Variants in ASS1 observed in about 807,000 individuals in gnomAD.
ASS1 encodes argininosuccinate synthase 1.
A neutral mutation model predicts 60.5 loss-of-function variants in ASS1; 58 were observed. The ratio of observed to expected loss-of-function variants is 0.96; its 90% CI spans 0.78 to 1.19. ASS1 has a LOEUF of 1.19. Ranked by LOEUF, ASS1 falls within the 50% of genes most tolerant of loss-of-function variation. The pLI is 0.00. For synonymous variants in ASS1, 200 were observed against 206.9 expected (o/e 0.97, Z 0.29); for missense variants, 454 against 547.3 (o/e 0.83, Z 1.70).
intron 3 of ASS1, among the ~76,000 whole-genome samples, chr9:130,455,357 TC>T (rs1845425609): frequency 6.6e-6 from 1 of 151,212 alleles, no homozygotes. Flanking sequence ...CCACTGTCTA[TC>T]CATCCATTCA....
In ASS1 at chr9:130,476,733, G is replaced by A; in HGVS notation, c.598-138G>A. On this transcript the variant is annotated intron_variant, in intron 8 of 14. Transcript: ENST00000352480. This position sits in a 1 kb window ranked among gnomAD's most constrained non-coding sequence, Gnocchi z 4.9. ...GGCTGGTGCTAGGCTGAGGGCTGGG[G>A]ACCGGGGGATCTGCCGGACCCCACC... The A allele has an allele frequency of 1.2e-6, 1 of 834,828 alleles. No individual in the cohort carries two copies. The highest frequency in any genetic ancestry group is 1.8e-5 in the Admixed American group (1 of 56,590). 51.7% of individuals were successfully genotyped at this position (834,828 alleles called of 1,614,324 possible). A position where few individuals can be genotyped will look rare whatever the true frequency, so the allele number is the denominator to read the frequency against.
At chr9:130,465,056 A>ATATATATATATATTTTTTTTTT (rs1479147331) in intron 5 of ASS1, among the ~76,000 whole-genome samples, 2 of 120,150 alleles carry the variant, frequency 1.7e-5, no homozygotes, top group African/African-American at 7.2e-5. Context: ...ATATATATAT[A>ATATATATATATATTTTTTTTTT]TTTTTTTTTT....
intron 5 of ASS1, 47 bp downstream of exon 5, chr9:130,464,214 C>T (rs1423774243): frequency 1.3e-6 from 2 of 1,589,134 alleles, no homozygotes; most frequent in Admixed American, 1.7e-5. Context: ...GCATCTGCAG[C>T]ACCTGATGGG....
At chr9:130,445,083 C>A (rs1429852805) in intron 1 of ASS1, 88 bp downstream of exon 1, 1 of 938,174 alleles carries the variant, frequency 1.1e-6, no homozygotes. Flanking sequence ...TAGAAGACGC[C>A]CGCCCCGGGG....
At chr9:130,500,617 C>G (rs924650737) in intron 14 of ASS1, among the ~76,000 whole-genome samples, 1 of 152,110 alleles carries the variant, frequency 6.6e-6, no homozygotes, top group Non-Finnish European at 1.5e-5. Flanking sequence ...CCTCCGTCAC[C>G]TCCACCTCCC....
In ASS1 at chr9:130,499,559, C is replaced by G. The variant is rs1011135762; in HGVS notation, c.1182C>G (p.Ile394Met). ...EPTDATGFIN[I>M]NSLRLKEYHR... ...CTGATGCCACCGGGTTCATCAACAT[C>G]AATTCCCTCAGGTGAGAAGCTCAGG... is the stretch of plus-strand genomic sequence containing the variant. The change falls in exon 14 of 15, where the codon ATC becomes ATG. Residue 394 changes from isoleucine to methionine, a missense_variant. Coordinates refer to ENST00000352480, the MANE Select transcript of ASS1 (RefSeq NM_054012.4). 1.9e-6 allele frequency: 3 copies of G among 1,613,460 alleles called. No homozygotes were observed. The highest frequency in any genetic ancestry group is 2.5e-6 in the Non-Finnish European group (3 of 1,179,824).
chr9:130,466,453 CTG>C (rs1159185191), intron 5 of ASS1: 2 of 545,936 alleles, frequency 3.7e-6, no homozygotes, highest in Non-Finnish European at 6.6e-6. Flanking sequence ...TCTGGGGAGA[CTG>C]AGGCCCAGGG....
chr9:130,484,803 A>G (rs1306662145), intron 11 of ASS1, among the ~76,000 whole-genome samples: 15 of 111,602 alleles, frequency 1.3e-4, no homozygotes, highest in East Asian at 1.1e-3. Flanking sequence ...TTAAACGCAC[A>G]CACACACACA....
In ASS1 at chr9:130,459,852, C is replaced by T. The variant is rs999865571; in HGVS notation, c.363+1263C>T. Among the ~76,000 whole-genome samples, 12 of 152,250 alleles carry T rather than the reference C, an allele frequency of 7.9e-5. No individual in the cohort carries two copies. The highest frequency in any genetic ancestry group is 2.1e-4 in the South Asian group (1 of 4,834). ...CAACCCATCCCGTACCCCTTCCCTC[C>T]GGGCCGTGTGTCCCAGTGCAGACTG... On this transcript the variant is annotated intron_variant, in intron 4 of 14. Transcript: ENST00000352480. This position sits in a 1 kb window ranked among gnomAD's most constrained non-coding sequence, Gnocchi z 4.6.
chr9:130,455,643 A>G (rs1845432465), intron 3 of ASS1, among the ~76,000 whole-genome samples: 1 of 152,216 alleles, frequency 6.6e-6, no homozygotes, highest in Non-Finnish European at 1.5e-5. Context: ...CATACAGGGC[A>G]TTTATGATGA....
At chr9:130,473,275 C>T (rs1434679869) in intron 8 of ASS1, among the ~76,000 whole-genome samples, 3 of 152,182 alleles carry the variant, frequency 2.0e-5, no homozygotes, top group African/African-American at 7.2e-5. Context: ...AAACACAGCA[C>T]CTCCCTCCTA....
rs1845527457 is a variant in ASS1, at chr9:130,459,319, T to G, written c.363+730T>G. On this transcript the variant is annotated intron_variant, in intron 4 of 14. Coordinates refer to ENST00000352480, the MANE Select transcript of ASS1 (RefSeq NM_054012.4). The surrounding 1 kb of genome is among the most constrained non-coding windows in gnomAD (Gnocchi z 4.6). ...CCATCTTCCCAAGCTGTCTTCTTCC[T>G]GTATCTCTGCATTGTCTTCCCTCTG... 6.6e-6 allele frequency among the ~76,000 whole-genome samples: 1 copy of G among 152,094 alleles called. No individual in the cohort carries two copies. Among genetic ancestry groups the G allele is most frequent in the Admixed American group, 6.6e-5 (1 of 15,264 alleles).
At chr9:130,480,316 G>C in intron 10 of ASS1, 69 bp from the exon 11 acceptor site, 1 of 1,572,476 alleles carries the variant, frequency 6.4e-7, no homozygotes, top group Non-Finnish European at 8.8e-7. Context: ...CCCTGGGACA[G>C]CCCAGCTGGG....
Position 130,489,817 on chromosome 9 carries a change from A to C in ASS1, c.970+353A>C, listed in dbSNP as rs1051992735. On this transcript the variant is annotated intron_variant, in intron 12 of 14. Coordinates refer to ENST00000352480, the MANE Select transcript of ASS1 (RefSeq NM_054012.4). This position sits in a 1 kb window ranked among gnomAD's most constrained non-coding sequence, Gnocchi z 4.1. The stretch of plus-strand genomic sequence containing the variant: ...ATGCATCACCCCGCATGGTCCTCAC[A>C]ACTTTCCCAGGAGGTCTGCAGCTCC... 3.9e-5 allele frequency among the ~76,000 whole-genome samples: 6 copies of C among 152,212 alleles called. No homozygotes were observed. Among genetic ancestry groups the C allele is most frequent in the African/African-American group, 1.2e-4 (5 of 41,454 alleles).
chr9:130,454,606 T>C (rs1398880836), intron 3 of ASS1, among the ~76,000 whole-genome samples: 1 of 152,032 alleles, frequency 6.6e-6, no homozygotes, highest in Non-Finnish European at 1.5e-5. Flanking sequence ...CCCACCCACA[T>C]ACCTTCCCTT....
intron 6 of ASS1, 23 bp downstream of exon 6, chr9:130,466,822 C>A: frequency 9.3e-6 from 15 of 1,611,526 alleles, no homozygotes; most frequent in Non-Finnish European, 1.3e-5. Flanking sequence ...CTCCCCACCA[C>A]CCCCAACCTT....
Position 130,477,338 on chromosome 9 carries a change from A to G in ASS1, c.688+377A>G, listed in dbSNP as rs1049220444. ...TGGGGTAGAATGAGGCCTGCAAGGG[A>G]GCGTCCAGCCCTGGGCCCTGACCCC... On this transcript the variant is annotated intron_variant, in intron 9 of 14. Coordinates refer to ENST00000352480, the MANE Select transcript of ASS1 (RefSeq NM_054012.4). The surrounding 1 kb of genome is among the most constrained non-coding windows in gnomAD (Gnocchi z 4.2). Among the ~76,000 whole-genome samples the G allele has an allele frequency of 1.3e-5, 2 of 152,146 alleles. No individual in the cohort carries two copies. Among genetic ancestry groups the G allele is most frequent in the Non-Finnish European group, 2.9e-5 (2 of 68,018 alleles).
rs1365665121 is a variant in ASS1, at chr9:130,470,838, AC to A, written c.501del (p.His167GlnfsTer67). On this transcript the variant is annotated frameshift_variant, in exon 7 of 15. Transcript: ENST00000352480. LOFTEE classifies it high-confidence loss of function. This position sits in a 1 kb window ranked among gnomAD's most constrained non-coding sequence, Gnocchi z 4.3. ...TGTGCTGTCTCTTTCCTGCAGCAAC[AC>A]GGGATTCCCATCCCGGTCACTCCCA... ...RNDLMEYAKQHGIPIPVTPKN... is the reference protein window; with the variant it reads ...RNDLMEYAKQXGIPIPVTPKN... The A allele has an allele frequency of 6.2e-7, 1 of 1,613,916 alleles. No individual in the cohort carries two copies. The highest frequency in any genetic ancestry group is 8.5e-7 in the Non-Finnish European group (1 of 1,179,970).
intron 13 of ASS1, 59 bp from the exon 14 acceptor site, chr9:130,499,446 C>T (rs1846683256): frequency 6.4e-7 from 1 of 1,564,928 alleles, no homozygotes; most frequent in Non-Finnish European, 8.7e-7. Context: ...CCCAGCAGTC[C>T]TCCCTTCAAG....
Sources: gnomAD v4.1 joint callset for allele counts (sites outside exome capture counted in the v4.1 genomes callset) on GRCh38, gnomAD v4.1.1 for gene constraint, Gnocchi (gnomAD v3.1) non-coding constraint, MANE v1.5 for transcripts, NCBI Gene and HGNC (gene_info 2026-07-23, HGNC 2026-07-21) for gene names.